The following TECRL variants were observed in gnomAD, a reference collection of about 807,000 sequenced individuals.
TECRL encodes the protein trans-2,3-enoyl-CoA reductase like.
Under a neutral mutation model 52.8 loss-of-function variants are expected in TECRL, and 63 were observed. The ratio of observed to expected loss-of-function variants is 1.19; its 90% CI spans 0.97 to 1.47. TECRL has a LOEUF of 1.47. TECRL is among the 40% of genes most tolerant of loss of function. The pLI is 0.00. For missense variants in TECRL, 482 were observed against 429.6 expected, an observed-to-expected ratio of 1.12 and a Z score of -1.08; for synonymous variants, 164 against 141.9, an observed-to-expected ratio of 1.16 and a Z score of -1.10.
chr4:64,382,778 T>C (rs1722907370), intron 1 of TECRL, among the ~76,000 whole-genome samples: 1 of 152,092 alleles, frequency 6.6e-6, no homozygotes, highest in African/African-American at 2.4e-5. Flanking sequence ...TGTATGTCCT[T>C]TGATCCTTTC....
At chr4:64,327,739 A>T (rs1053475164) in intron 3 of TECRL, among the ~76,000 whole-genome samples, 10 of 152,048 alleles carry the variant, frequency 6.6e-5, no homozygotes, top group African/African-American at 2.4e-4. Context: ...GACTCAAAGA[A>T]ATAATCATTT....
In TECRL at chr4:64,334,100, A is replaced by G. The variant is rs1371555949; in HGVS notation, c.287-5544T>C. Among the ~76,000 whole-genome samples the G allele has an allele frequency of 2.0e-5, 3 of 150,084 alleles. No homozygotes were observed. In the Admixed American group the frequency reaches 2.0e-4, roughly 10 times the overall value. On this transcript the variant is annotated intron_variant, in intron 2 of 11. Coordinates refer to ENST00000381210, the MANE Select transcript of TECRL (RefSeq NM_001010874.5). ...ATTGCATTGTCACTTTGAATATGTTATTTTATTAGAATTGTTATACTCCTT... is the reference window on the plus strand; with the variant it reads ...ATTGCATTGTCACTTTGAATATGTTGTTTTATTAGAATTGTTATACTCCTT...
intron 1 of TECRL, among the ~76,000 whole-genome samples, chr4:64,384,010 C>G (rs1350733063): frequency 1.3e-5 from 2 of 151,872 alleles, no homozygotes; most frequent in Admixed American, 6.6e-5. Context: ...TCCGTATTGT[C>G]TATGTGGTAC....
In TECRL at chr4:64,348,162, A is replaced by G. The variant is rs528164336; in HGVS notation, c.287-19606T>C. Among the ~76,000 whole-genome samples the G allele has an allele frequency of 7.9e-5, 12 of 152,300 alleles. No individual in the cohort carries two copies. In the East Asian group the frequency reaches 2.3e-3, roughly 29 times the overall value. On this transcript the variant is annotated intron_variant, in intron 2 of 11. Coordinates refer to ENST00000381210, the MANE Select transcript of TECRL (RefSeq NM_001010874.5). ...TTTATGAACAAAGGAGCTTTCATTG[A>G]GTCATGGTTCCACATGGCTGAGGAG...
downstream of TECRL, among the ~76,000 whole-genome samples, chr4:64,277,455 T>C (rs1722612713): frequency 6.6e-6 from 1 of 151,890 alleles, no homozygotes; most frequent in African/African-American, 2.4e-5. Flanking sequence ...GAATAGATAT[T>C]AGGGAGTGAG....
chr4:64,384,171 C>T (rs1256961216), intron 1 of TECRL, among the ~76,000 whole-genome samples: 1 of 151,598 alleles, frequency 6.6e-6, no homozygotes, highest in South Asian at 2.1e-4. Flanking sequence ...ATGCAGGCAC[C>T]CAGGTGGTAT....
intron 8 of TECRL, among the ~76,000 whole-genome samples, chr4:64,296,690 G>A (rs1262356476): frequency 2.6e-5 from 4 of 151,686 alleles, no homozygotes; most frequent in African/African-American, 7.2e-5. Context: ...AAATAGGAAG[G>A]TTCTTTAGGT....
At chr4:64,409,076 A>G (rs765395686) in intron 1 of TECRL, 42 bp downstream of exon 1, 28 of 1,477,772 alleles carry the variant, frequency 1.9e-5, no homozygotes, top group Middle Eastern at 4.8e-4. Context: ...CAGAGAAGAA[A>G]CACTTAAACA....
chr4:64,383,638 A>G (rs1362793791), intron 1 of TECRL, among the ~76,000 whole-genome samples: 1 of 151,996 alleles, frequency 6.6e-6, no homozygotes, highest in African/African-American at 2.4e-5. Context: ...AATTTAGATT[A>G]CAAATGTTTT....
Position 64,324,717 on chromosome 4 carries a change from A to T in TECRL, c.332-1925T>A, listed in dbSNP as rs112819553. ...TGGGTACTTTATTGAAAACAATTTC[A>T]TAGTTATATTTTAGAAATTTCATGT... On this transcript the variant is annotated intron_variant, in intron 3 of 11. Coordinates refer to ENST00000381210, the MANE Select transcript of TECRL (RefSeq NM_001010874.5). Among the ~76,000 whole-genome samples, 1,348 of 152,210 alleles carry T rather than the reference A, an allele frequency of 8.9e-3. 17 individuals are homozygous for T. Among genetic ancestry groups the T allele is most frequent in the African/African-American group, 0.031 (1,282 of 41,558 alleles).
At chr4:64,290,347 C>T (rs970675306) in intron 8 of TECRL, among the ~76,000 whole-genome samples, 6 of 152,144 alleles carry the variant, frequency 3.9e-5, no homozygotes, top group Non-Finnish European at 8.8e-5. Context: ...TTACCACCAT[C>T]GCCTGAGACT....
At chr4:64,284,949 G>T (rs1723008792) in intron 9 of TECRL, among the ~76,000 whole-genome samples, 1 of 152,008 alleles carries the variant, frequency 6.6e-6, no homozygotes. Flanking sequence ...AAATGCACAT[G>T]ATAATGATTT....
intron 1 of TECRL, among the ~76,000 whole-genome samples, chr4:64,392,166 A>T (rs1723590724): frequency 6.6e-6 from 1 of 151,966 alleles, no homozygotes; most frequent in East Asian, 1.9e-4. Flanking sequence ...AGAAAAGGTA[A>T]TTAAATTAGG....
chr4:64,329,270 T>G (rs1055570419), intron 2 of TECRL, among the ~76,000 whole-genome samples: 3 of 152,094 alleles, frequency 2.0e-5, no homozygotes, highest in Non-Finnish European at 4.4e-5. Context: ...TTCTTAACTT[T>G]GAGATTAAAC....
chr4:64,370,499 T>G (rs2109656775), intron 2 of TECRL, among the ~76,000 whole-genome samples: 1 of 126,924 alleles, frequency 7.9e-6, no homozygotes, highest in Non-Finnish European at 1.7e-5. Flanking sequence ...TTTTCATATC[T>G]TTACCTTTTC....
chr4:64,345,923 A>AAAAAAAAAAAAAAAAAAAAAC (rs1560516713), intron 2 of TECRL, among the ~76,000 whole-genome samples: 1 of 145,128 alleles, frequency 6.9e-6, no homozygotes, highest in East Asian at 2.0e-4. Flanking sequence ...AAAAAAAAAA[A>AAAAAAAAAAAAAAAAAAAAAC]AAAAAAAACA....
chr4:64,399,200 C>T (rs888033261), intron 1 of TECRL, among the ~76,000 whole-genome samples: 1 of 152,048 alleles, frequency 6.6e-6, no homozygotes, highest in East Asian at 1.9e-4. Context: ...GTATTCTCTC[C>T]CTGGGACACC....
intron 1 of TECRL, among the ~76,000 whole-genome samples, chr4:64,386,105 T>A (rs1723162401): frequency 6.6e-6 from 1 of 152,106 alleles, no homozygotes; most frequent in African/African-American, 2.4e-5. Context: ...ACATATAACT[T>A]TTGATTCCCC....
chr4:64,279,913 T>C lies in TECRL; in HGVS notation c.*159A>G, dbSNP rs1394457740. 1 of 1,224,874 alleles carries C rather than the reference T, an allele frequency of 8.2e-7. No individual in the cohort carries two copies. Among genetic ancestry groups the C allele is most frequent in the Non-Finnish European group, 1.0e-6 (1 of 977,952 alleles). 75.9% of individuals were successfully genotyped at this position (1,224,874 alleles called of 1,614,324 possible). A position where few individuals can be genotyped will look rare whatever the true frequency, so the allele number is the denominator to read the frequency against. ...TTTATACTTTTTATTACCATGTGCA[T>C]TTCTCTAAATTTAGTGAAATTTTAC... is the stretch of plus-strand genomic sequence containing the variant. On this transcript the variant is annotated 3_prime_UTR_variant, in exon 12 of 12. Transcript: ENST00000381210.
Sources: allele counts gnomAD v4.1 joint callset (sites outside exome capture counted in the v4.1 genomes callset), GRCh38; gene constraint gnomAD v4.1.1; transcripts MANE v1.5; gene names NCBI Gene and HGNC (gene_info 2026-07-23, HGNC 2026-07-21).